GRM8: variants seen among roughly 807,000 people sequenced by gnomAD.
The protein encoded by GRM8 is glutamate metabotropic receptor 8.
Under a neutral mutation model 87.2 loss-of-function variants are expected in GRM8, and 47 were observed. The observed-to-expected ratio is 0.54, with a 90% CI of 0.43 to 0.69. The LOEUF is 0.69. Ranked by LOEUF, GRM8 falls within the 30% of genes least tolerant of loss-of-function variation. The probability of loss-of-function intolerance (pLI) is 0.00; values close to 1 mark genes in which losing one functional copy is unlikely to be tolerated. For missense variants in GRM8, 1,019 were observed against 1,139.2 expected, an observed-to-expected ratio of 0.89 and a Z score of 1.52; for synonymous variants, 396 against 404.5, an observed-to-expected ratio of 0.98 and a Z score of 0.25.
At chr7:126,462,884 A>G (rs979289431) in intron 9 of GRM8, among the ~76,000 whole-genome samples, 9 of 151,580 alleles carry the variant, frequency 5.9e-5, no homozygotes, top group African/African-American at 2.2e-4. Context: ...CTCAGGAGAA[A>G]AAGACAGACA....
chr7:127,187,322 T>C lies in GRM8; in HGVS notation c.510+55373A>G, dbSNP rs2283098. ...CCCTGAGACATTATATGTATATGTA[T>C]ATGCTTTTTATCCCCAGTGCCAAAA... On this transcript the variant is annotated intron_variant, in intron 2 of 10. Coordinates refer to ENST00000339582, the MANE Select transcript of GRM8 (RefSeq NM_000845.3). Among the ~76,000 whole-genome samples the C allele has an allele frequency of 1.7e-4, 26 of 152,276 alleles. No individual in the cohort carries two copies. The East Asian group carries it at 5.0e-3, about 29-fold the overall frequency.
At chr7:126,768,761 T>G (rs1204460601) in intron 7 of GRM8, among the ~76,000 whole-genome samples, 2 of 152,052 alleles carry the variant, frequency 1.3e-5, no homozygotes, top group Non-Finnish European at 2.9e-5. Context: ...ATTCCTCTTT[T>G]GATCAATTTC....
chr7:127,098,796 G>T (rs1824930045), intron 3 of GRM8, among the ~76,000 whole-genome samples: 2 of 152,140 alleles, frequency 1.3e-5, no homozygotes, highest in Admixed American at 6.5e-5. Context: ...GACACACATA[G>T]AATATTTGAC....
At chr7:126,948,974 G>A (rs1807848428) in intron 3 of GRM8, among the ~76,000 whole-genome samples, 1 of 152,188 alleles carries the variant, frequency 6.6e-6, no homozygotes, top group South Asian at 2.1e-4. Context: ...TCAACAGGTG[G>A]TTTACTAACT....
chr7:127,107,178 G>T (rs187351681), intron 2 of GRM8, among the ~76,000 whole-genome samples: 298 of 152,196 alleles, frequency 2.0e-3, no homozygotes, highest in Admixed American at 4.7e-3. Context: ...TTTTATACTT[G>T]ATACCATTTC....
chr7:126,701,565 T>G (rs918076172), intron 7 of GRM8, among the ~76,000 whole-genome samples: 3 of 152,188 alleles, frequency 2.0e-5, no homozygotes, highest in Non-Finnish European at 4.4e-5. Context: ...TCCCAGTGAT[T>G]GCTGAGTAAC....
intron 2 of GRM8, among the ~76,000 whole-genome samples, chr7:127,169,376 C>T (rs538036897): frequency 1.3e-5 from 2 of 152,230 alleles, no homozygotes; most frequent in East Asian, 3.9e-4. Context: ...TCTATGATGG[C>T]TGAGAAAGGT....
chr7:126,520,195 T>C (rs547129452), intron 9 of GRM8, among the ~76,000 whole-genome samples: 2 of 151,974 alleles, frequency 1.3e-5, no homozygotes, highest in East Asian at 1.9e-4. Context: ...AGAAGAGAAG[T>C]CTAAAAAGAA....
At position 126,662,510 on chromosome 7, in the gene GRM8, C is replaced by A. The variant is rs761729252; in HGVS notation, c.1358-53012G>T. 5.9e-5 allele frequency among the ~76,000 whole-genome samples: 9 copies of A among 152,078 alleles called. 1 individual carries two copies. The highest frequency in any genetic ancestry group is 3.9e-4 in the Admixed American group (6 of 15,268). On this transcript the variant is annotated intron_variant, in intron 7 of 10. Transcript: ENST00000339582. The stretch of plus-strand genomic sequence containing the variant: ...TATTCAGAAAGAAATTTCAATTTTT[C>A]TTCTGCAAATAATTCAGAAAACAAA...
chr7:126,876,855 T>G (rs1319719797), intron 6 of GRM8, among the ~76,000 whole-genome samples: 1 of 152,128 alleles, frequency 6.6e-6, no homozygotes, highest in Non-Finnish European at 1.5e-5. Context: ...AGAACTCCAC[T>G]TACTTGGGAA....
chr7:126,533,837 G>A lies in GRM8; in HGVS notation c.1545C>T (p.Val515=), dbSNP rs745714130. 2.5e-6 allele frequency: 4 copies of A among 1,614,094 alleles called. No individual in the cohort carries two copies. Among genetic ancestry groups the A allele is most frequent in the African/African-American group, 1.3e-5 (1 of 75,050 alleles). ...CCCCTGGCTTACACGGCAGGCTGCA[G>A]ACAGACGCCGGGTGAGTATGTTCTC... ...AHREHTHPAS[V]CSLPCKPGER... The change falls in exon 9 of 11, where the codon GTC becomes GTT. Residue 515 remains valine (V), a synonymous_variant. Coordinates refer to ENST00000339582, the MANE Select transcript of GRM8 (RefSeq NM_000845.3).
intron 2 of GRM8, among the ~76,000 whole-genome samples, chr7:127,202,456 G>C (rs1216094260): frequency 6.6e-6 from 1 of 152,178 alleles, no homozygotes; most frequent in Non-Finnish European, 1.5e-5. Flanking sequence ...GGGATTACAG[G>C]CATGAGCCAC....
chr7:126,832,839 C>A (rs1795521630), intron 6 of GRM8, among the ~76,000 whole-genome samples: 4 of 152,218 alleles, frequency 2.6e-5, no homozygotes, highest in Admixed American at 2.0e-4. Context: ...AAAGCTACAG[C>A]ATATGTTGAA....
chr7:126,726,253 C>T (rs1812959195), intron 7 of GRM8, among the ~76,000 whole-genome samples: 1 of 151,694 alleles, frequency 6.6e-6, no homozygotes, highest in African/African-American at 2.4e-5. Context: ...GGGAAGTCCC[C>T]ATTCTAGTGG....
chr7:126,997,365 G>A (rs1327367499), intron 3 of GRM8, among the ~76,000 whole-genome samples: 1 of 151,440 alleles, frequency 6.6e-6, no homozygotes, highest in Admixed American at 6.6e-5. Flanking sequence ...ACAGCCTGAT[G>A]ATGCATCTTA....
At chr7:127,000,439 G>T (rs1484539918) in intron 3 of GRM8, among the ~76,000 whole-genome samples, 2 of 151,638 alleles carry the variant, frequency 1.3e-5, no homozygotes, top group Non-Finnish European at 3.0e-5. Context: ...ATCTTAAGGG[G>T]ATGGATATCC....
chr7:127,043,251 A>C (rs1586835228), intron 3 of GRM8, among the ~76,000 whole-genome samples: 1 of 152,226 alleles, frequency 6.6e-6, no homozygotes, highest in South Asian at 2.1e-4. Flanking sequence ...TTAACCCAGC[A>C]ATCCCATTAC....
chr7:126,783,870 C>A (rs1460497352), intron 6 of GRM8, among the ~76,000 whole-genome samples: 3 of 152,118 alleles, frequency 2.0e-5, no homozygotes, highest in Admixed American at 6.6e-5. Flanking sequence ...AAATCAGGAA[C>A]CTGTGGCTAT....
intron 3 of GRM8, among the ~76,000 whole-genome samples, chr7:127,021,598 C>A (rs930537115): frequency 4.6e-5 from 7 of 151,918 alleles, no homozygotes; most frequent in African/African-American, 1.7e-4. Flanking sequence ...GATCTTGTAA[C>A]TCTGTTTAAT....
Sources: gnomAD v4.1 joint callset for allele counts (sites outside exome capture counted in the v4.1 genomes callset) on GRCh38, gnomAD v4.1.1 for gene constraint, MANE v1.5 for transcripts, NCBI Gene and HGNC (gene_info 2026-07-23, HGNC 2026-07-21) for gene names.